Variants in RIMBP2 observed in about 807,000 individuals in gnomAD.
RIMBP2 encodes RIMS binding protein 2.
A neutral mutation model predicts 118.6 loss-of-function variants in RIMBP2; 48 were observed. That is an observed-to-expected ratio of 0.40 (90% CI 0.32 to 0.51). The LOEUF (loss-of-function observed/expected upper bound fraction) is 0.51. RIMBP2 is among the 20% of genes least tolerant of loss of function. RIMBP2 has a pLI of 0.41. For missense variants in RIMBP2, 1,551 were observed against 1,768.3 expected, an observed-to-expected ratio of 0.88 and a Z score of 2.20; for synonymous variants, 762 against 742.9, an observed-to-expected ratio of 1.03 and a Z score of -0.42.
intron 4 of RIMBP2, among the ~76,000 whole-genome samples, chr12:130,490,242 T>C (rs1441086792): frequency 6.6e-6 from 1 of 151,922 alleles, no homozygotes; most frequent in Non-Finnish European, 1.5e-5. Flanking sequence ...ACAGACTTAC[T>C]GTGACAATTC....
rs552846657 is a variant in RIMBP2 at position 130,419,337 on chromosome 12, G to A, written c.3238+3116C>T. On this transcript the variant is annotated intron_variant, in intron 17 of 22. Transcript: ENST00000690449. The surrounding 1 kb of genome is among the most constrained non-coding windows in gnomAD (Gnocchi z 4.3). ...TGTTAGGAGGAAGGGTGTGCATATC[G>A]TGTGGGAGATCAGGGCTCATGCCTG... 9.6e-4 allele frequency among the ~76,000 whole-genome samples: 146 copies of A among 152,296 alleles called. 1 individual carries two copies. Among genetic ancestry groups the A allele is most frequent in the African/African-American group, 3.3e-3 (138 of 41,554 alleles).
chr12:130,434,971 A>C lies in RIMBP2; in HGVS notation c.2107-91T>G. 7.1e-7 allele frequency: 1 copy of C among 1,408,072 alleles called. No individual in the cohort carries two copies. Among genetic ancestry groups the C allele is most frequent in the Non-Finnish European group, 9.5e-7 (1 of 1,047,162 alleles). The allele number at this position is 1,408,072 out of a possible 1,614,324, so 87.2% of individuals were successfully genotyped here. A position where few individuals can be genotyped will look rare whatever the true frequency, so the allele number is the denominator to read the frequency against. ...GCATTCACCAAACCTTCAGCCCCTCAGAGCCTGGCCAGGCACCCCCCACAC... is the reference window on the plus strand; with the variant it reads ...GCATTCACCAAACCTTCAGCCCCTCCGAGCCTGGCCAGGCACCCCCCACAC... On this transcript the variant is annotated intron_variant, in intron 13 of 22. Coordinates refer to ENST00000690449, the MANE Select transcript of RIMBP2 (RefSeq NM_001393629.1). The surrounding 1 kb of genome is among the most constrained non-coding windows in gnomAD (Gnocchi z 5.7).
chr12:130,446,232 G>C lies in RIMBP2; in HGVS notation c.582-963C>G, dbSNP rs2078513241. On this transcript the variant is annotated intron_variant, in intron 9 of 22. Transcript: ENST00000690449. The surrounding 1 kb of genome is among the most constrained non-coding windows in gnomAD (Gnocchi z 4.1). ...AAATGAAAATAACATTAGAGTTGGA[G>C]AAGATAGCCAGACACTGTAATATTA... Among the ~76,000 whole-genome samples, 1 of 152,204 alleles carries C rather than the reference G, an allele frequency of 6.6e-6. No individual in the cohort carries two copies. Among genetic ancestry groups the C allele is most frequent in the African/African-American group, 2.4e-5 (1 of 41,434 alleles).
intron 2 of RIMBP2, among the ~76,000 whole-genome samples, chr12:130,572,798 G>A (rs562379672): frequency 6.6e-6 from 1 of 152,218 alleles, no homozygotes; most frequent in East Asian, 1.9e-4. Flanking sequence ...GCAGCAGGAC[G>A]ACCTGTATGC....
At chr12:130,558,530 C>T (rs942740212) in intron 2 of RIMBP2, among the ~76,000 whole-genome samples, 3 of 152,262 alleles carry the variant, frequency 2.0e-5, no homozygotes, top group South Asian at 2.1e-4. Context: ...ACGTCAGCAG[C>T]CGTGCAGCTC....
In RIMBP2 at chr12:130,406,350, T is replaced by G. The variant is rs1001018631; in HGVS notation, c.3694-107A>C. On this transcript the variant is annotated intron_variant, in intron 20 of 22. Transcript: ENST00000690449. ...CCTTACTATTTGAGAATTTCTGGTA[T>G]TAATCTACTCTTTCAGTCAAATAAA... 5.4e-5 allele frequency: 38 copies of G among 698,160 alleles called. 1 individual carries two copies. Among genetic ancestry groups the G allele is most frequent in the Admixed American group, 4.4e-4 (15 of 34,396 alleles). The allele number at this position is 698,160 out of a possible 1,614,324, so 43.2% of individuals were successfully genotyped here. A position where few individuals can be genotyped will look rare whatever the true frequency, so the allele number is the denominator to read the frequency against.
chr12:130,480,659 G>A (rs1189040297), intron 4 of RIMBP2, among the ~76,000 whole-genome samples: 4 of 152,098 alleles, frequency 2.6e-5, no homozygotes, highest in Non-Finnish European at 5.9e-5. Flanking sequence ...GGAGTACAGT[G>A]GCAGGATCTT....
chr12:130,517,081 G>A (rs2051544891), intron 3 of RIMBP2, among the ~76,000 whole-genome samples: 2 of 152,102 alleles, frequency 1.3e-5, no homozygotes, highest in Non-Finnish European at 2.9e-5. Flanking sequence ...TGAGAGGTGG[G>A]GCCTTTAAGA....
intron 19 of RIMBP2, among the ~76,000 whole-genome samples, chr12:130,409,881 G>C (rs183651906): frequency 1.3e-5 from 2 of 152,194 alleles, no homozygotes; most frequent in East Asian, 3.9e-4. Context: ...GTGTGTGAAC[G>C]TAAGTTTCCC....
intron 2 of RIMBP2, among the ~76,000 whole-genome samples, chr12:130,585,784 A>G (rs1021537996): frequency 6.6e-6 from 1 of 152,206 alleles, no homozygotes; most frequent in Non-Finnish European, 1.5e-5. Context: ...ACGTGGTCAC[A>G]GTCCCCACCA....
At chr12:130,533,415 G>A (rs2053685152) in intron 2 of RIMBP2, among the ~76,000 whole-genome samples, 1 of 152,156 alleles carries the variant, frequency 6.6e-6, no homozygotes, top group African/African-American at 2.4e-5. Context: ...ACAGATACTG[G>A]CAAGGATATG....
At chr12:130,479,969 A>G (rs2081818975) in intron 4 of RIMBP2, among the ~76,000 whole-genome samples, 1 of 151,786 alleles carries the variant, frequency 6.6e-6, no homozygotes, top group Non-Finnish European at 1.5e-5. Flanking sequence ...GACAGTGAGG[A>G]CCAGGCCCCC....
At chr12:130,679,958 A>C (rs2064695127) in intron 1 of RIMBP2, among the ~76,000 whole-genome samples, 1 of 151,562 alleles carries the variant, frequency 6.6e-6, no homozygotes, top group Non-Finnish European at 1.5e-5. Flanking sequence ...GTGATCACGC[A>C]GGGAGTGTGT....
chr12:130,460,526 T>C (rs534949821), intron 6 of RIMBP2, among the ~76,000 whole-genome samples: 3 of 152,212 alleles, frequency 2.0e-5, no homozygotes, highest in African/African-American at 7.2e-5. Context: ...GCTGTTGGTA[T>C]TAGTATTAAT....
At chr12:130,647,801 G>C (rs1045696569) in intron 1 of RIMBP2, among the ~76,000 whole-genome samples, 1 of 145,946 alleles carries the variant, frequency 6.9e-6, no homozygotes, top group Non-Finnish European at 1.6e-5. Context: ...GTGTGACTTT[G>C]CTGGTAACCT....
intron 12 of RIMBP2, among the ~76,000 whole-genome samples, chr12:130,437,833 C>T (rs1397284102): frequency 2.0e-5 from 3 of 152,162 alleles, no homozygotes; most frequent in Admixed American, 6.5e-5. Flanking sequence ...GAGCTGGGGA[C>T]GGTGAGGAGC....
At chr12:130,603,912 C>T (rs2060009152) in intron 2 of RIMBP2, among the ~76,000 whole-genome samples, 1 of 142,218 alleles carries the variant, frequency 7.0e-6, no homozygotes, top group Non-Finnish European at 1.5e-5. Flanking sequence ...CTCTACTTTT[C>T]TCATTAGAGT....
intron 1 of RIMBP2, among the ~76,000 whole-genome samples, chr12:130,654,664 T>C (rs2063351839): frequency 6.6e-6 from 1 of 152,236 alleles, no homozygotes; most frequent in African/African-American, 2.4e-5. Flanking sequence ...GTACCAATTT[T>C]CCATGTTAGG....
chr12:130,577,706 A>G (rs1339552471), intron 2 of RIMBP2, among the ~76,000 whole-genome samples: 1 of 150,898 alleles, frequency 6.6e-6, no homozygotes, highest in Non-Finnish European at 1.5e-5. Context: ...TATTGCTATT[A>G]TTATCATCAT....
Sources: gnomAD v4.1 joint callset for allele counts (sites outside exome capture counted in the v4.1 genomes callset) on GRCh38, gnomAD v4.1.1 for gene constraint, Gnocchi (gnomAD v3.1) non-coding constraint, MANE v1.5 for transcripts, NCBI Gene and HGNC (gene_info 2026-07-23, HGNC 2026-07-21) for gene names.